NTM: variants seen among roughly 807,000 people sequenced by gnomAD.
NTM encodes the protein IgLON family member 2.
A neutral mutation model predicts 42.1 loss-of-function variants in NTM; 13 were observed. That is an observed-to-expected ratio of 0.31 (90% CI 0.20 to 0.49). The LOEUF (loss-of-function observed/expected upper bound fraction) is 0.49, where lower values mean the gene tolerates loss of function less well. Ranked by LOEUF, NTM falls within the 20% of genes least tolerant of loss-of-function variation. The pLI, the probability that NTM is intolerant of heterozygous loss-of-function variation, is 0.99. For synonymous variants in NTM, 187 were observed against 179.2 expected (o/e 1.04, Z -0.35); for missense variants, 373 against 452.8 (o/e 0.82, Z 1.60).
intron 1 of NTM, among the ~76,000 whole-genome samples, chr11:131,814,755 C>G (rs1035883801): frequency 1.3e-5 from 2 of 152,208 alleles, no homozygotes; most frequent in African/African-American, 4.8e-5. Flanking sequence ...CGTCTGCAGC[C>G]TAATCCACCA....
chr11:131,521,235 G>GACCCGGGAAGTGGAGGTTGC (rs2049617065), intron 1 of NTM, among the ~76,000 whole-genome samples: 2 of 150,802 alleles, frequency 1.3e-5, no homozygotes, highest in African/African-American at 4.9e-5. Context: ...GAATCACTTG[G>GACCCGGGAAGTGGAGGTTGC]ACCCGGGAAG....
chr11:132,332,073 C>A (rs368335627), intron 8 of NTM, among the ~76,000 whole-genome samples: 4 of 152,136 alleles, frequency 2.6e-5, no homozygotes, highest in African/African-American at 7.2e-5. Flanking sequence ...AGAAACATCA[C>A]CTTGGAATTC....
intron 2 of NTM, among the ~76,000 whole-genome samples, chr11:131,991,974 A>G (rs1490354299): frequency 1.3e-5 from 2 of 152,182 alleles, no homozygotes; most frequent in Non-Finnish European, 2.9e-5. Flanking sequence ...TTCTGGATGT[A>G]TATATGGAAA....
intron 1 of NTM, among the ~76,000 whole-genome samples, chr11:131,621,429 G>A (rs4547102): frequency 6.6e-5 from 10 of 151,792 alleles, no homozygotes; most frequent in East Asian, 5.8e-4. Context: ...TCTAAATGAC[G>A]GTCATGGCCA....
intron 2 of NTM, among the ~76,000 whole-genome samples, chr11:131,936,527 C>A (rs2059235144): frequency 6.6e-6 from 1 of 152,142 alleles, no homozygotes; most frequent in Admixed American, 6.5e-5. Context: ...GGAAAACTAC[C>A]TAATGGATAC....
intron 3 of NTM, among the ~76,000 whole-genome samples, chr11:132,204,946 A>T (rs766337317): frequency 3.3e-5 from 5 of 152,122 alleles, no homozygotes; most frequent in Non-Finnish European, 7.3e-5. Flanking sequence ...AAGCTTTCCA[A>T]TCTGGGTTGG....
At chr11:131,934,399 G>C (rs1217569104) in intron 2 of NTM, among the ~76,000 whole-genome samples, 1 of 152,180 alleles carries the variant, frequency 6.6e-6, no homozygotes, top group African/African-American at 2.4e-5. Context: ...CTACCTTGTT[G>C]GGATGTTTTG....
intron 1 of NTM, among the ~76,000 whole-genome samples, chr11:131,401,832 A>ATATATATATATATATGTGTG (rs1945240865): frequency 1.2e-5 from 1 of 82,252 alleles, no homozygotes; most frequent in African/African-American, 4.7e-5. Flanking sequence ...ATATATATAT[A>ATATATATATATATATGTGTG]TATATATATA....
At chr11:132,074,050 C>T (rs904299661) in intron 2 of NTM, among the ~76,000 whole-genome samples, 1 of 152,178 alleles carries the variant, frequency 6.6e-6, no homozygotes, top group African/African-American at 2.4e-5. Context: ...TGAAATGTCA[C>T]AGAAAGATTT....
intron 1 of NTM, among the ~76,000 whole-genome samples, chr11:131,766,243 G>A (rs974006807): frequency 6.6e-6 from 1 of 152,176 alleles, no homozygotes; most frequent in Non-Finnish European, 1.5e-5. Context: ...GTGATGGGAA[G>A]CAAAGCAGGT....
In NTM at chr11:131,778,277, G is replaced by T. The variant is rs191483576; in HGVS notation, c.83-133287G>T. 5.9e-5 allele frequency among the ~76,000 whole-genome samples: 9 copies of T among 152,292 alleles called. No homozygotes were observed. In the East Asian group the frequency reaches 7.7e-4, roughly 13 times the overall value. ...GGTTAAACTGAAGCTAGTGCCACAG[G>T]CTTCCACATTTGAATGATTTGCCAA... On this transcript the variant is annotated intron_variant, in intron 1 of 8. Coordinates refer to ENST00000683400, the MANE Select transcript of NTM (RefSeq NM_001352005.2).
At chr11:131,590,305 C>T (rs1241483019) in intron 1 of NTM, among the ~76,000 whole-genome samples, 2 of 152,158 alleles carry the variant, frequency 1.3e-5, no homozygotes, top group East Asian at 3.8e-4. Context: ...AGCAGAGATA[C>T]CTGAAGCACC....
chr11:131,660,004 C>T (rs932684884), intron 1 of NTM, among the ~76,000 whole-genome samples: 2 of 152,208 alleles, frequency 1.3e-5, no homozygotes, highest in East Asian at 1.9e-4. Flanking sequence ...CGCTACATAG[C>T]GTGGTGGGTG....
At chr11:131,838,860 A>T (rs1939377) in intron 1 of NTM, among the ~76,000 whole-genome samples, 120,602 of 152,186 alleles carry the variant, frequency 0.79, 48,214 homozygotes, top group African/African-American at 0.88. Context: ...AGGTGCTTTG[A>T]GTGCATCTAT....
rs1220031564 is a variant in NTM at position 131,797,554 on chromosome 11, T to C, written c.83-114010T>C. ...GTTGATGACCCACTCTGGGAGTTGT[T>C]ACTTACTTTTATGTTCTTTTGCTGA... On this transcript the variant is annotated intron_variant, in intron 1 of 8. Transcript: ENST00000683400. Among the ~76,000 whole-genome samples the C allele has an allele frequency of 1.4e-4, 22 of 152,208 alleles. 1 individual carries two copies.
At chr11:131,722,891 C>T (rs1460381573) in intron 1 of NTM, among the ~76,000 whole-genome samples, 1 of 152,236 alleles carries the variant, frequency 6.6e-6, no homozygotes, top group Admixed American at 6.5e-5. Flanking sequence ...AAGTCTCATA[C>T]TTGGTTCATG....
At chr11:131,633,539 C>A (rs1296495686) in intron 1 of NTM, among the ~76,000 whole-genome samples, 4 of 151,908 alleles carry the variant, frequency 2.6e-5, no homozygotes, top group Admixed American at 2.0e-4. Context: ...CTCTCTCTCT[C>A]TCTATCTCTA....
chr11:131,680,438 A>T (rs1200838161), intron 1 of NTM, among the ~76,000 whole-genome samples: 1 of 130,138 alleles, frequency 7.7e-6, no homozygotes, highest in Non-Finnish European at 1.6e-5. Flanking sequence ...TCTGTGTGTG[A>T]GATCATATCT....
chr11:131,477,744 A>C (rs921345012), intron 1 of NTM, among the ~76,000 whole-genome samples: 2 of 151,120 alleles, frequency 1.3e-5, no homozygotes, highest in Admixed American at 1.3e-4. Flanking sequence ...ATGTATCAAA[A>C]CTCCCTAAAA....
Sources: gnomAD v4.1 joint callset for allele counts (sites outside exome capture counted in the v4.1 genomes callset) on GRCh38, gnomAD v4.1.1 for gene constraint, MANE v1.5 for transcripts, NCBI Gene and HGNC (gene_info 2026-07-23, HGNC 2026-07-21) for gene names.